Variants in CACNA1I observed in about 807,000 individuals in gnomAD.
CACNA1I encodes voltage-dependent T-type calcium channel subunit alpha-1I.
CACNA1I carries 74 observed loss-of-function variants against 201.6 expected under a neutral mutation model. The observed-to-expected ratio is 0.37, with a 90% CI of 0.30 to 0.45. The LOEUF (loss-of-function observed/expected upper bound fraction) is 0.45. CACNA1I is among the 20% of genes least tolerant of loss of function. The pLI is 1.00. For missense variants in CACNA1I, 2,346 were observed against 3,138.1 expected (o/e 0.75, Z 6.03); for synonymous variants, 1,431 against 1,345.2 (o/e 1.06, Z -1.40).
chr22:39,647,745 C>T (rs1411678153), intron 8 of CACNA1I, 77 bp from the exon 9 acceptor site: 5 of 1,019,822 alleles, frequency 4.9e-6, no homozygotes, highest in Admixed American at 3.5e-5. Context: ...GAAGGGGCTG[C>T]CCTGTTGGTT....
rs1220023541 is a variant in CACNA1I, at chr22:39,664,081, A to G, written c.3598-10A>G. ...GCCCCTGAGCCTATGGTATCTCCCG[A>G]TGCTTTCAGGAACGCATCTTTCTCA... On this transcript the variant is annotated splice_polypyrimidine_tract_variant and intron_variant, in intron 19 of 36. Transcript: ENST00000402142. 1 of 1,613,278 alleles carries G rather than the reference A, an allele frequency of 6.2e-7. No individual in the cohort carries two copies. Among genetic ancestry groups the G allele is most frequent in the East Asian group, 2.2e-5 (1 of 44,844 alleles).
At chr22:39,611,321 T>A (rs1470134052) in intron 3 of CACNA1I, among the ~76,000 whole-genome samples, 1 of 152,188 alleles carries the variant, frequency 6.6e-6, no homozygotes, top group Non-Finnish European at 1.5e-5. Context: ...CAGGACACAC[T>A]CAGCCTTTAT....
chr22:39,578,694 C>T (rs1317139386), intron 1 of CACNA1I, among the ~76,000 whole-genome samples: 2 of 152,204 alleles, frequency 1.3e-5, no homozygotes, highest in African/African-American at 4.8e-5. Flanking sequence ...TCCCTGCCTC[C>T]CTTCATTTGT....
At chr22:39,657,033 C>T (rs1184363182) in intron 10 of CACNA1I, among the ~76,000 whole-genome samples, 6 of 152,176 alleles carry the variant, frequency 3.9e-5, no homozygotes, top group African/African-American at 4.8e-5. Flanking sequence ...GTTCCTCACT[C>T]GACCCCGTGG....
chr22:39,618,225 CTG>C (rs757249274), intron 3 of CACNA1I, among the ~76,000 whole-genome samples: 1 of 114,414 alleles, frequency 8.7e-6, no homozygotes, highest in Non-Finnish European at 2.1e-5. Context: ...TGGTGTGTGA[CTG>C]TGTGCAGGTG....
intron 4 of CACNA1I, among the ~76,000 whole-genome samples, chr22:39,620,723 G>GT (rs892655166): frequency 5.4e-4 from 81 of 148,856 alleles, no homozygotes; most frequent in Admixed American, 1.7e-3. Flanking sequence ...TGCCTTCCTG[G>GT]TTTTTTTTTG....
intron 10 of CACNA1I, among the ~76,000 whole-genome samples, chr22:39,657,924 C>T (rs543658269): frequency 7.2e-5 from 11 of 152,346 alleles, no homozygotes; most frequent in Admixed American, 1.3e-4. Flanking sequence ...GGAAGGTCAG[C>T]GCTGTGGGGT....
rs557756170 is a variant in CACNA1I, at chr22:39,586,251, A to G, written c.237-11900A>G. Among the ~76,000 whole-genome samples, 3 of 152,178 alleles carry G rather than the reference A, an allele frequency of 2.0e-5. No individual in the cohort carries two copies. In the East Asian group the frequency reaches 5.8e-4, roughly 29 times the overall value. ...ATGCTTGTAATTCCAGCACTTGGGG[A>G]GGCCAAGGTGGGTGAATCACTTGAG... On this transcript the variant is annotated intron_variant, in intron 1 of 36. Transcript: ENST00000402142.
intron 4 of CACNA1I, among the ~76,000 whole-genome samples, chr22:39,624,908 CTTT>C (rs136810): frequency 1.6e-4 from 19 of 119,046 alleles, no homozygotes; most frequent in Non-Finnish European, 1.6e-4. Flanking sequence ...GGGACACAGT[CTTT>C]TTTTTTTTTT....
Position 39,662,326 on chromosome 22 carries a change from C to A in CACNA1I, c.3263C>A (p.Ala1088Asp). 2.7e-6 allele frequency: 4 copies of A among 1,476,946 alleles called. No homozygotes were observed. Among genetic ancestry groups the A allele is most frequent in the Non-Finnish European group, 3.6e-6 (4 of 1,122,338 alleles). The allele number at this position is 1,476,946 out of a possible 1,614,324, so 91.5% of individuals were successfully genotyped here. A position where few individuals can be genotyped will look rare whatever the true frequency, so the allele number is the denominator to read the frequency against. Residue 1088 changes from alanine (A) to aspartate (D), a missense_variant, in exon 17 of 37, where the codon GCC becomes GAC. This residue lies in a region of CACNA1I where 288 missense variants were observed against 255.2 expected (regional missense o/e 1.13). Transcript: ENST00000402142. ...GCCGCCTGGAGGGCGGCAGGCCCGGCCCCCGGGCATGAGGACTGCAATGGC... is the reference window on the plus strand; with the variant it reads ...GCCGCCTGGAGGGCGGCAGGCCCGGACCCCGGGCATGAGGACTGCAATGGC... ...PRAAWRAAGPAPGHEDCNGRM... is the reference protein window; with the variant it reads ...PRAAWRAAGPDPGHEDCNGRM...
At chr22:39,673,928 G>A (rs370275497) in intron 28 of CACNA1I, 35 bp from the exon 29 acceptor site, 1 of 1,605,044 alleles carries the variant, frequency 6.2e-7, no homozygotes, top group East Asian at 2.2e-5. Flanking sequence ...CCACCGGCCT[G>A]GGGCTGAGTG....
chr22:39,571,055 C>A, intron 1 of CACNA1I, 67 bp downstream of exon 1: 1 of 1,335,538 alleles, frequency 7.5e-7, no homozygotes, highest in Non-Finnish European at 1.1e-6. Context: ...TGGATTGAGT[C>A]CTGCTGCTCA....
rs1935537861 is a variant in CACNA1I at position 39,677,201 on chromosome 22, GAC to G, written c.4855-134_4855-133del. 1.6e-6 allele frequency: 1 copy of G among 612,422 alleles called. No homozygotes were observed. Among genetic ancestry groups the G allele is most frequent in the African/African-American group, 1.9e-5 (1 of 53,782 alleles). The allele number at this position is 612,422 out of a possible 1,614,324, so 37.9% of individuals were successfully genotyped here. A position where few individuals can be genotyped will look rare whatever the true frequency, so the allele number is the denominator to read the frequency against. On this transcript the variant is annotated intron_variant, in intron 29 of 36. Transcript: ENST00000402142. This position sits in a 1 kb window ranked among gnomAD's most constrained non-coding sequence, Gnocchi z 4.8. ...AGGTCCTGTAGGGGTGGCAGACGTG[GAC>G]ACACAGCCTGGGGGAATGTTACAGC...
At position 39,675,770 on chromosome 22, in the gene CACNA1I, G is replaced by C. The variant is rs574825247; in HGVS notation, c.4855-1571G>C. On this transcript the variant is annotated intron_variant, in intron 29 of 36. Transcript: ENST00000402142. Reference sequence around the variant, plus strand: ...ACTGGGCTTTGAGGGGTGGGGAGGAGGCATTTTACAGGCAAAGATAGAGGG... The same window carrying C: ...ACTGGGCTTTGAGGGGTGGGGAGGACGCATTTTACAGGCAAAGATAGAGGG... Among the ~76,000 whole-genome samples the C allele has an allele frequency of 2.6e-5, 4 of 152,310 alleles. No individual in the cohort carries two copies. The East Asian group carries it at 7.7e-4, about 29-fold the overall frequency.
chr22:39,612,770 T>C (rs1933422065), intron 3 of CACNA1I, among the ~76,000 whole-genome samples: 1 of 152,208 alleles, frequency 6.6e-6, no homozygotes, highest in South Asian at 2.1e-4. Flanking sequence ...CCATAAATCA[T>C]GAGGTGCTGG....
intron 4 of CACNA1I, among the ~76,000 whole-genome samples, chr22:39,633,977 AG>A (rs767912980): frequency 2.6e-5 from 4 of 152,320 alleles, no homozygotes; most frequent in African/African-American, 9.6e-5. Context: ...TCAGAGACAA[AG>A]GGTATTCAGG....
Position 39,631,585 on chromosome 22 carries a change from G to A in CACNA1I, c.581-2980G>A, listed in dbSNP as rs551141058. 1.4e-4 allele frequency among the ~76,000 whole-genome samples: 21 copies of A among 152,178 alleles called. No homozygotes were observed. In the East Asian group the frequency reaches 3.9e-3, roughly 28 times the overall value. The stretch of plus-strand genomic sequence containing the variant: ...GAGGGTTTGGCCGGGGGAAGGTGTG[G>A]TGGGAGATGAAGTAGAAAGGATGGT... On this transcript the variant is annotated intron_variant, in intron 4 of 36. Transcript: ENST00000402142.
At chr22:39,578,984 G>A (rs942247451) in intron 1 of CACNA1I, among the ~76,000 whole-genome samples, 4 of 152,180 alleles carry the variant, frequency 2.6e-5, no homozygotes, top group South Asian at 2.1e-4. Context: ...AGGCACCATC[G>A]GCAGGAAGTC....
chr22:39,667,242 C>T (rs572010342), intron 23 of CACNA1I, among the ~76,000 whole-genome samples: 1 of 152,218 alleles, frequency 6.6e-6, no homozygotes. Context: ...TCTGCTTTCC[C>T]TGCTCCTGGG....
Sources: gnomAD v4.1 joint callset for allele counts (sites outside exome capture counted in the v4.1 genomes callset) on GRCh38, gnomAD v4.1.1 for gene constraint, gnomAD v4.1.1 regional missense constraint, Gnocchi (gnomAD v3.1) non-coding constraint, MANE v1.5 for transcripts, NCBI Gene and HGNC (gene_info 2026-07-23, HGNC 2026-07-21) for gene names.